The following SORCS3 variants were observed in gnomAD, a reference collection of about 807,000 sequenced individuals.
SORCS3 encodes VPS10 domain-containing receptor SorCS3.
SORCS3 carries 57 observed loss-of-function variants against 146.3 expected under a neutral mutation model. The ratio of observed to expected loss-of-function variants is 0.39; its 90% CI spans 0.31 to 0.49. The LOEUF (loss-of-function observed/expected upper bound fraction) is 0.49. Among genes scored for constraint, SORCS3 ranks in the 20% least tolerant of loss-of-function variants. The pLI is 0.92. For synonymous variants in SORCS3, 653 were observed against 618.5 expected (o/e 1.06, Z -0.83); for missense variants, 1,341 against 1,575.5 (o/e 0.85, Z 2.52).
chr10:105,078,651 G>A (rs2055604241), intron 5 of SORCS3, among the ~76,000 whole-genome samples: 1 of 152,176 alleles, frequency 6.6e-6, no homozygotes, highest in African/African-American at 2.4e-5. Flanking sequence ...GATATTTTGA[G>A]CACTATCATA....
intron 3 of SORCS3, among the ~76,000 whole-genome samples, chr10:104,930,117 A>G (rs2019191903): frequency 6.6e-6 from 1 of 152,240 alleles, no homozygotes; most frequent in Non-Finnish European, 1.5e-5. Context: ...GACATTTAAC[A>G]GAGTGATTGA....
intron 1 of SORCS3, among the ~76,000 whole-genome samples, chr10:104,763,021 G>A (rs2017140059): frequency 6.6e-6 from 1 of 152,182 alleles, no homozygotes; most frequent in African/African-American, 2.4e-5. Context: ...CCAGTTGAGT[G>A]TGATGTACAG....
At chr10:105,082,673 A>T (rs1490253114) in intron 5 of SORCS3, among the ~76,000 whole-genome samples, 1 of 152,208 alleles carries the variant, frequency 6.6e-6, no homozygotes, top group African/African-American at 2.4e-5. Flanking sequence ...TTCCCCAGTC[A>T]TTAATGTTAG....
intron 3 of SORCS3, among the ~76,000 whole-genome samples, chr10:104,946,774 C>T (rs2019375634): frequency 6.6e-6 from 1 of 152,190 alleles, no homozygotes; most frequent in African/African-American, 2.4e-5. Context: ...GAACCCATCA[C>T]ATGTGGCCCA....
chr10:104,949,395 AGAT>A (rs2019405819), intron 3 of SORCS3, among the ~76,000 whole-genome samples: 1 of 152,174 alleles, frequency 6.6e-6, no homozygotes, highest in South Asian at 2.1e-4. Flanking sequence ...AGAGAATGAT[AGAT>A]GAACTGAATT....
intron 4 of SORCS3, among the ~76,000 whole-genome samples, chr10:105,022,023 G>T (rs2055201062): frequency 6.6e-6 from 1 of 152,180 alleles, no homozygotes; most frequent in Non-Finnish European, 1.5e-5. Flanking sequence ...AAGAAGATCA[G>T]TAGCTGCCAG....
At chr10:105,248,064 C>T (rs2056877860) in intron 22 of SORCS3, among the ~76,000 whole-genome samples, 1 of 152,150 alleles carries the variant, frequency 6.6e-6, no homozygotes, top group African/African-American at 2.4e-5. Context: ...ACAGAGCGTT[C>T]CAGCAGGGTA....
chr10:104,797,588 C>T (rs2017572132), intron 1 of SORCS3, among the ~76,000 whole-genome samples: 1 of 152,076 alleles, frequency 6.6e-6, no homozygotes, highest in South Asian at 2.1e-4. Context: ...ATGTGCCTCA[C>T]ACATTTATTT....
At chr10:105,091,769 G>A (rs2055711748) in intron 6 of SORCS3, among the ~76,000 whole-genome samples, 1 of 152,102 alleles carries the variant, frequency 6.6e-6, no homozygotes, top group South Asian at 2.1e-4. Context: ...CAATTCTTAT[G>A]GCTGAGAAAG....
chr10:104,688,453 G>A (rs115549152), intron 1 of SORCS3, among the ~76,000 whole-genome samples: 1,563 of 18,028 alleles, frequency 0.087, 28 homozygotes, highest in African/African-American at 0.12. Context: ...TGACTCCAGC[G>A]CCTGCCAGCC....
rs192230254 is a variant in SORCS3, at chr10:105,166,084, C to G, written c.1810-1174C>G. On this transcript the variant is annotated intron_variant, in intron 12 of 26. Coordinates refer to ENST00000369701, the MANE Select transcript of SORCS3 (RefSeq NM_014978.3). ...ATATCTGGAATATAAGTGAATCACC[C>G]TTAGGTCCTTTGTGCATTGGGGCTC... Among the ~76,000 whole-genome samples, 406 of 152,218 alleles carry G rather than the reference C, an allele frequency of 2.7e-3. 5 individuals carry two copies. The highest frequency in any genetic ancestry group is 6.8e-3 in the Middle Eastern group (2 of 294).
At chr10:104,826,120 G>A (rs754227760) in intron 1 of SORCS3, among the ~76,000 whole-genome samples, 6 of 152,044 alleles carry the variant, frequency 3.9e-5, no homozygotes, top group South Asian at 2.1e-4. Flanking sequence ...TTGCATGAGC[G>A]GGACAGTTTC....
intron 1 of SORCS3, among the ~76,000 whole-genome samples, chr10:104,663,569 C>G (rs928153599): frequency 1.3e-5 from 2 of 152,182 alleles, no homozygotes; most frequent in African/African-American, 4.8e-5. Flanking sequence ...CGCTCCCCAG[C>G]TCCCCACATT....
At chr10:104,705,054 A>G (rs951353340) in intron 1 of SORCS3, among the ~76,000 whole-genome samples, 2 of 152,146 alleles carry the variant, frequency 1.3e-5, no homozygotes, top group Non-Finnish European at 2.9e-5. Context: ...ATGTCTCAAT[A>G]AATTGTAGTC....
intron 5 of SORCS3, among the ~76,000 whole-genome samples, chr10:105,063,236 C>G (rs1453525519): frequency 6.6e-6 from 1 of 152,196 alleles, no homozygotes; most frequent in Non-Finnish European, 1.5e-5. Flanking sequence ...TTCTGCTGCT[C>G]TCAGGAAACC....
At chr10:105,156,181 A>T (rs1233278171) in intron 9 of SORCS3, among the ~76,000 whole-genome samples, 1 of 152,210 alleles carries the variant, frequency 6.6e-6, no homozygotes, top group Admixed American at 6.5e-5. Context: ...TATTGTTTAT[A>T]TATATTTAAA....
At chr10:104,905,248 GGACCCAAAAC>G (rs2018893608) in intron 2 of SORCS3, among the ~76,000 whole-genome samples, 3 of 152,296 alleles carry the variant, frequency 2.0e-5, no homozygotes, top group South Asian at 4.1e-4. Context: ...TTAGGTTTCT[GGACCCAAAAC>G]GAGATGAAGT....
chr10:105,187,288 T>A (rs137873146), intron 14 of SORCS3, among the ~76,000 whole-genome samples: 1 of 152,306 alleles, frequency 6.6e-6, no homozygotes, highest in Non-Finnish European at 1.5e-5. Flanking sequence ...ATCATTGTAT[T>A]GTGTAACTAA....
intron 1 of SORCS3, among the ~76,000 whole-genome samples, chr10:104,747,708 T>C (rs1301583791): frequency 6.6e-6 from 1 of 152,226 alleles, no homozygotes; most frequent in Non-Finnish European, 1.5e-5. Context: ...AGAGAGACAC[T>C]GCTCGGACCA....
Sources: gnomAD v4.1 joint callset for allele counts (sites outside exome capture counted in the v4.1 genomes callset) on GRCh38, gnomAD v4.1.1 for gene constraint, MANE v1.5 for transcripts, NCBI Gene and HGNC (gene_info 2026-07-23, HGNC 2026-07-21) for gene names.